ADGRL2: variants seen among roughly 807,000 people sequenced by gnomAD.
The protein encoded by ADGRL2 is adhesion G protein-coupled receptor L2, also known as calcium-independent alpha-latrotoxin receptor 2.
ADGRL2 carries 44 observed loss-of-function variants against 157.4 expected under a neutral mutation model. That is an observed-to-expected ratio of 0.28 (90% confidence interval 0.22 to 0.36). The LOEUF (loss-of-function observed/expected upper bound fraction) is 0.36. Among genes scored for constraint, ADGRL2 ranks in the 10% least tolerant of loss-of-function variants. The probability of loss-of-function intolerance (pLI) is 1.00; values close to 1 mark genes in which losing one functional copy is unlikely to be tolerated. For missense variants in ADGRL2, 1,510 were observed against 1,768.9 expected (o/e 0.85, Z 2.63); for synonymous variants, 585 against 624.7 (o/e 0.94, Z 0.95).
intron 2 of ADGRL2, among the ~76,000 whole-genome samples, chr1:81,486,575 T>A (rs981330445): frequency 1.3e-5 from 2 of 152,140 alleles, no homozygotes. Context: ...TACTATTAGG[T>A]AGATGGGAAT....
At chr1:81,655,211 A>G (rs1166024134) in intron 3 of ADGRL2, among the ~76,000 whole-genome samples, 5 of 152,166 alleles carry the variant, frequency 3.3e-5, no homozygotes, top group South Asian at 4.1e-4. Flanking sequence ...TGTGTTAGCC[A>G]GGATGATCTC....
At chr1:81,688,728 G>T (rs537279441) in intron 3 of ADGRL2, among the ~76,000 whole-genome samples, 326 of 152,132 alleles carry the variant, frequency 2.1e-3, no homozygotes, top group African/African-American at 7.3e-3. Flanking sequence ...TTTGATTTTT[G>T]GGGGGTGTTG....
intron 3 of ADGRL2, among the ~76,000 whole-genome samples, chr1:81,673,645 G>A (rs2082922190): frequency 6.6e-6 from 1 of 151,356 alleles, no homozygotes. Flanking sequence ...CTCCCAAGGA[G>A]CTGGGACTAC....
At chr1:81,596,428 A>T in intron 3 of ADGRL2, 4 of 463,488 alleles carry the variant, frequency 8.6e-6, no homozygotes, top group South Asian at 1.7e-5. Flanking sequence ...TTTACATTGC[A>T]GCTCGTTAGA....
chr1:81,896,570 A>G (rs1445762963), intron 2 of ADGRL2, among the ~76,000 whole-genome samples: 2 of 151,992 alleles, frequency 1.3e-5, no homozygotes, highest in Non-Finnish European at 2.9e-5. Context: ...TCAAAACTTT[A>G]ATATATATAT....
At chr1:81,532,950 A>ATCTATCTG (rs1486818759) in intron 2 of ADGRL2, among the ~76,000 whole-genome samples, 1 of 144,722 alleles carries the variant, frequency 6.9e-6, no homozygotes, top group Admixed American at 7.0e-5. Context: ...AATTCTATCT[A>ATCTATCTG]TCTATCTATC....
At chr1:81,620,770 T>G (rs1182185222) in intron 3 of ADGRL2, among the ~76,000 whole-genome samples, 2 of 152,194 alleles carry the variant, frequency 1.3e-5, no homozygotes, top group East Asian at 1.9e-4. Context: ...AAAAACATAC[T>G]AACCTGTGTG....
At chr1:81,672,583 T>C (rs1005567612) in intron 3 of ADGRL2, among the ~76,000 whole-genome samples, 4 of 152,240 alleles carry the variant, frequency 2.6e-5, no homozygotes, top group Non-Finnish European at 4.4e-5. Context: ...TTTTGAAAGC[T>C]GTCATAAAGG....
intron 1 of ADGRL2, among the ~76,000 whole-genome samples, chr1:81,806,636 G>A (rs1314007934): frequency 2.0e-5 from 3 of 151,956 alleles, no homozygotes; most frequent in South Asian, 2.1e-4. Flanking sequence ...ATATTTATTT[G>A]ACCTCACTTT....
intron 3 of ADGRL2, among the ~76,000 whole-genome samples, chr1:81,925,896 T>C (rs2095093865): frequency 6.6e-6 from 1 of 152,050 alleles, no homozygotes; most frequent in Non-Finnish European, 1.5e-5. Flanking sequence ...AAAATCTTTA[T>C]GGCATAATTT....
intron 1 of ADGRL2, among the ~76,000 whole-genome samples, chr1:81,429,165 CTTGTTAGTAGTAAGAT>C (rs2077274503): frequency 1.3e-5 from 2 of 150,990 alleles, no homozygotes; most frequent in Non-Finnish European, 2.9e-5. Context: ...ATGACCCACT[CTTGTTAGTAGTAAGAT>C]TTGTTTGTGA....
At chr1:81,815,812 AACC>A (rs1270336869) in intron 1 of ADGRL2, among the ~76,000 whole-genome samples, 1 of 151,826 alleles carries the variant, frequency 6.6e-6, no homozygotes, top group Admixed American at 6.6e-5. Flanking sequence ...TCAGCTTGGA[AACC>A]TGTCATTGGT....
intron 1 of ADGRL2, among the ~76,000 whole-genome samples, chr1:81,700,691 C>T (rs2083549166): frequency 6.6e-6 from 1 of 152,172 alleles, no homozygotes; most frequent in South Asian, 2.1e-4. Flanking sequence ...TGTTCAAAAG[C>T]TGTTCTGTAT....
chr1:81,410,230 A>T (rs2076924577), intron 1 of ADGRL2, among the ~76,000 whole-genome samples: 1 of 152,354 alleles, frequency 6.6e-6, no homozygotes, highest in East Asian at 1.9e-4. Flanking sequence ...TGTCATAGTC[A>T]TACAATGATT....
intron 3 of ADGRL2, among the ~76,000 whole-genome samples, chr1:81,613,780 A>T (rs1328108999): frequency 1.3e-5 from 2 of 152,230 alleles, no homozygotes; most frequent in African/African-American, 4.8e-5. Context: ...GCACTTATAA[A>T]TGTGAGCAAT....
At chr1:81,535,987 G>A (rs143353133) in intron 2 of ADGRL2, among the ~76,000 whole-genome samples, 1 of 152,068 alleles carries the variant, frequency 6.6e-6, no homozygotes, top group African/African-American at 2.4e-5. Context: ...TGTAAATAAA[G>A]TCATATTTAC....
At chr1:81,725,049 CA>C (rs1406883422) in intron 1 of ADGRL2, among the ~76,000 whole-genome samples, 1 of 150,724 alleles carries the variant, frequency 6.6e-6, no homozygotes, top group Non-Finnish European at 1.5e-5. Context: ...ACTAAAAATA[CA>C]AAAAATTAGC....
intron 3 of ADGRL2, among the ~76,000 whole-genome samples, chr1:81,611,095 A>G (rs2081532552): frequency 6.6e-6 from 1 of 152,242 alleles, no homozygotes; most frequent in Non-Finnish European, 1.5e-5. Flanking sequence ...CAGTAGCATC[A>G]TGCTATCCAT....
chr1:81,844,497 A>T (rs1423187930), intron 2 of ADGRL2, among the ~76,000 whole-genome samples: 1 of 152,238 alleles, frequency 6.6e-6, no homozygotes, highest in African/African-American at 2.4e-5. Flanking sequence ...GCTGTGTCTC[A>T]AAAAACTGAT....
Sources: gnomAD v4.1 joint callset for allele counts (sites outside exome capture counted in the v4.1 genomes callset) on GRCh38, gnomAD v4.1.1 for gene constraint, MANE v1.5 for transcripts, NCBI Gene and HGNC (gene_info 2026-07-23, HGNC 2026-07-21) for gene names.